Variants in CERS3 observed in about 807,000 individuals in gnomAD.
The protein encoded by CERS3 is ceramide synthase 3.
Under a neutral mutation model 50.3 loss-of-function variants are expected in CERS3, and 33 were observed. That is an observed-to-expected ratio of 0.66 (90% CI 0.50 to 0.88). The LOEUF (loss-of-function observed/expected upper bound fraction) is 0.88, where lower values mean the gene tolerates loss of function less well. Among genes scored for constraint, CERS3 ranks in the 40% least tolerant of loss-of-function variants. The probability of loss-of-function intolerance (pLI) is 0.00; values close to 1 mark genes in which losing one functional copy is unlikely to be tolerated. For synonymous variants in CERS3, 176 were observed against 155.2 expected (o/e 1.13, Z -0.99); for missense variants, 470 against 460.3 (o/e 1.02, Z -0.19).
At chr15:100,445,394 A>C (rs2033889988) in intron 11 of CERS3, among the ~76,000 whole-genome samples, 2 of 152,052 alleles carry the variant, frequency 1.3e-5, no homozygotes, top group South Asian at 4.1e-4. Flanking sequence ...TTAACTCTTA[A>C]AGTAAATAAA....
intron 1 of CERS3, among the ~76,000 whole-genome samples, chr15:100,540,584 T>C (rs372610056): frequency 6.6e-5 from 10 of 152,240 alleles, no homozygotes; most frequent in African/African-American, 2.4e-4. Context: ...AAACTCTTTA[T>C]GCTAATTATC....
intron 2 of CERS3, among the ~76,000 whole-genome samples, chr15:100,517,787 A>C (rs1275421808): frequency 6.6e-6 from 1 of 152,142 alleles, no homozygotes; most frequent in Non-Finnish European, 1.5e-5. Flanking sequence ...TAGTTCTTGG[A>C]GGAGGGTGGG....
chr15:100,449,004 C>T (rs892729228), intron 11 of CERS3, among the ~76,000 whole-genome samples: 1 of 152,200 alleles, frequency 6.6e-6, no homozygotes, highest in Non-Finnish European at 1.5e-5. Context: ...CCCCACTCTT[C>T]CCAGTAGCAG....
At chr15:100,427,983 CAG>C (rs1292036568) in intron 11 of CERS3, among the ~76,000 whole-genome samples, 2 of 152,190 alleles carry the variant, frequency 1.3e-5, no homozygotes, top group African/African-American at 4.8e-5. Flanking sequence ...CACTGTTTGG[CAG>C]AGTCAAAACG....
intron 2 of CERS3, among the ~76,000 whole-genome samples, chr15:100,514,960 T>C (rs1596796189): frequency 6.6e-6 from 1 of 152,212 alleles, no homozygotes. Flanking sequence ...CTAAAAATCA[T>C]GCAACATCTA....
At chr15:100,458,585 CAAA>C (rs5814967) in intron 10 of CERS3, among the ~76,000 whole-genome samples, 14 of 127,706 alleles carry the variant, frequency 1.1e-4, no homozygotes, top group Admixed American at 1.6e-4. Context: ...GACTCCATCT[CAAA>C]AAAAAAAAAA....
intron 3 of CERS3, among the ~76,000 whole-genome samples, chr15:100,498,312 T>C (rs1372330868): frequency 6.6e-6 from 1 of 152,094 alleles, no homozygotes; most frequent in Admixed American, 6.5e-5. Flanking sequence ...TGTAGATGAA[T>C]ATAAAGTCAC....
intron 8 of CERS3, among the ~76,000 whole-genome samples, chr15:100,473,575 A>T (rs1484642809): frequency 6.6e-6 from 1 of 152,208 alleles, no homozygotes; most frequent in Non-Finnish European, 1.5e-5. Context: ...CATTGGGAGA[A>T]TACAAACCAA....
chr15:100,499,180 C>T (rs1484674636), intron 3 of CERS3, among the ~76,000 whole-genome samples: 2 of 152,102 alleles, frequency 1.3e-5, no homozygotes, highest in Admixed American at 6.5e-5. Context: ...CCACCTGCAC[C>T]CCTGCCTTGG....
intron 1 of CERS3, among the ~76,000 whole-genome samples, chr15:100,535,480 C>A (rs1469615476): frequency 6.6e-6 from 1 of 152,232 alleles, no homozygotes; most frequent in East Asian, 1.9e-4. Context: ...CACAGATGAG[C>A]AAAAGTGTTC....
chr15:100,427,722 T>G (rs907183548), intron 11 of CERS3, among the ~76,000 whole-genome samples: 4 of 152,244 alleles, frequency 2.6e-5, no homozygotes, highest in African/African-American at 9.6e-5. Context: ...ATGAAATTTT[T>G]CAATAGGTAG....
intron 1 of CERS3, among the ~76,000 whole-genome samples, chr15:100,534,593 C>T (rs1448186853): frequency 6.6e-6 from 1 of 151,174 alleles, no homozygotes; most frequent in Non-Finnish European, 1.5e-5. Context: ...TTCAAAGTCA[C>T]TCCTCTGCTC....
intron 11 of CERS3, among the ~76,000 whole-genome samples, chr15:100,453,878 G>A (rs1302150943): frequency 6.6e-6 from 1 of 152,038 alleles, no homozygotes; most frequent in Non-Finnish European, 1.5e-5. Context: ...CTCAATAAGG[G>A]AATCCCATTT....
At chr15:100,537,689 T>C (rs754614675) in intron 1 of CERS3, among the ~76,000 whole-genome samples, 5 of 152,198 alleles carry the variant, frequency 3.3e-5, no homozygotes, top group Non-Finnish European at 7.3e-5. Context: ...CATGGACATG[T>C]GAGGATTATG....
At position 100,408,299 on chromosome 15, in the gene CERS3, C is replaced by A. The variant is rs184845236; in HGVS notation, c.1000-5434G>T. On this transcript the variant is annotated intron_variant, in intron 11 of 11. Transcript: ENST00000679737. ...TTTGGAAACTCATAATTCCAGGAAACCATGTCACTGACAGCAATGCTACTG... is the reference window on the plus strand; with the variant it reads ...TTTGGAAACTCATAATTCCAGGAAAACATGTCACTGACAGCAATGCTACTG... Among the ~76,000 whole-genome samples the A allele has an allele frequency of 5.9e-5, 9 of 152,268 alleles. No homozygotes were observed. The East Asian group carries it at 1.7e-3, about 29-fold the overall frequency.
intron 10 of CERS3, among the ~76,000 whole-genome samples, chr15:100,464,836 A>T (rs1487496013): frequency 6.6e-6 from 1 of 152,212 alleles, no homozygotes; most frequent in Non-Finnish European, 1.5e-5. Context: ...TGTGCTTTTG[A>T]ATTTCTGCCT....
At chr15:100,463,566 C>T (rs906794106) in intron 10 of CERS3, among the ~76,000 whole-genome samples, 12 of 151,830 alleles carry the variant, frequency 7.9e-5, no homozygotes, top group East Asian at 1.9e-4. Context: ...AGCTGTTCTT[C>T]GTGAACTCAA....
At chr15:100,536,910 A>G (rs2037087699) in intron 1 of CERS3, among the ~76,000 whole-genome samples, 1 of 152,258 alleles carries the variant, frequency 6.6e-6, no homozygotes, top group Non-Finnish European at 1.5e-5. Context: ...TGAACAGGAC[A>G]ATGAGGAAAC....
intron 11 of CERS3, among the ~76,000 whole-genome samples, chr15:100,439,164 T>C (rs905136745): frequency 6.6e-5 from 10 of 152,198 alleles, no homozygotes; most frequent in African/African-American, 2.4e-4. Flanking sequence ...GAAATTATAG[T>C]GATATTTTTA....
Sources: allele counts gnomAD v4.1 joint callset (sites outside exome capture counted in the v4.1 genomes callset), GRCh38; gene constraint gnomAD v4.1.1; transcripts MANE v1.5; gene names NCBI Gene and HGNC (gene_info 2026-07-23, HGNC 2026-07-21).